The following DLG2 variants were observed in gnomAD, a reference collection of about 807,000 sequenced individuals.
DLG2 encodes the protein disks large homolog 2.
Under a neutral mutation model 132.5 loss-of-function variants are expected in DLG2, and 45 were observed. The ratio of observed to expected loss-of-function variants is 0.34; its 90% CI spans 0.27 to 0.44. The LOEUF (loss-of-function observed/expected upper bound fraction) is 0.44, where lower values mean the gene tolerates loss of function less well. Ranked by LOEUF, DLG2 falls within the 20% of genes least tolerant of loss-of-function variation. The probability of loss-of-function intolerance (pLI) is 1.00; values close to 1 mark genes in which losing one functional copy is unlikely to be tolerated. For missense variants in DLG2, 1,045 were observed against 1,196.9 expected (o/e 0.87, Z 1.87); for synonymous variants, 424 against 419.6 (o/e 1.01, Z -0.13).
intron 2 of DLG2, among the ~76,000 whole-genome samples, chr11:85,599,769 G>T (rs1188312809): frequency 6.6e-6 from 1 of 152,078 alleles, no homozygotes; most frequent in Non-Finnish European, 1.5e-5. Flanking sequence ...AAACCACTTT[G>T]CCTATACGAA....
intron 4 of DLG2, among the ~76,000 whole-genome samples, chr11:85,184,002 G>A (rs562887933): frequency 3.9e-5 from 6 of 152,040 alleles, no homozygotes; most frequent in East Asian, 1.9e-4. Flanking sequence ...TTACATATAT[G>A]AGAACTAAGA....
In DLG2 at chr11:83,950,086, T is replaced by A. The variant is rs533132613; in HGVS notation, c.1340+12799A>T. Among the ~76,000 whole-genome samples the A allele has an allele frequency of 4.1e-4, 62 of 152,278 alleles. 1 individual carries two copies. The South Asian group carries it at 0.013, about 32-fold the overall frequency. ...TGAGTCAGCCTTGGGTTAGTCAACA[T>A]CAGTTACCTCACGTGTAAAAGGGGG... On this transcript the variant is annotated intron_variant, in intron 14 of 27. Coordinates refer to ENST00000376104, the MANE Select transcript of DLG2 (RefSeq NM_001142699.3).
chr11:85,384,369 C>T (rs2086148829), intron 3 of DLG2, among the ~76,000 whole-genome samples: 1 of 151,940 alleles, frequency 6.6e-6, no homozygotes, highest in Non-Finnish European at 1.5e-5. Context: ...TATAGAAATG[C>T]AAGGGATATT....
At chr11:85,258,039 G>T (rs150113041) in intron 4 of DLG2, among the ~76,000 whole-genome samples, 22 of 152,284 alleles carry the variant, frequency 1.4e-4, no homozygotes, top group African/African-American at 4.8e-4. Flanking sequence ...TACTGTGGTT[G>T]TCTTACAGAC....
At chr11:83,598,248 G>T (rs534834012) in intron 19 of DLG2, among the ~76,000 whole-genome samples, 1 of 152,312 alleles carries the variant, frequency 6.6e-6, no homozygotes, top group East Asian at 1.9e-4. Flanking sequence ...TGTTCTGTCT[G>T]TCCTCTTTGG....
chr11:84,708,717 C>A (rs1421863668), intron 6 of DLG2, among the ~76,000 whole-genome samples: 2 of 151,810 alleles, frequency 1.3e-5, no homozygotes, highest in East Asian at 1.9e-4. Flanking sequence ...AAACCCTTTT[C>A]TTTCCTCTGG....
intron 6 of DLG2, among the ~76,000 whole-genome samples, chr11:84,811,608 T>TA (rs2076565633): frequency 6.6e-6 from 1 of 152,126 alleles, no homozygotes. Flanking sequence ...TAGGCTATTT[T>TA]AAAAAAGAGA....
chr11:85,535,827 T>C (rs549044301), intron 3 of DLG2, among the ~76,000 whole-genome samples: 12 of 152,354 alleles, frequency 7.9e-5, no homozygotes, highest in African/African-American at 2.9e-4. Context: ...TAAGTACTGA[T>C]ACATGCTACA....
At chr11:83,652,120 A>C (rs2070718127) in intron 18 of DLG2, 5 of 288,548 alleles carry the variant, frequency 1.7e-5, no homozygotes, top group South Asian at 3.3e-5. Context: ...AGGTTTTGTA[A>C]GTGATGTTAT....
At chr11:84,595,420 A>G (rs931229704) in intron 6 of DLG2, among the ~76,000 whole-genome samples, 5 of 152,100 alleles carry the variant, frequency 3.3e-5, no homozygotes, top group Non-Finnish European at 7.4e-5. Flanking sequence ...GCCTGGCAAT[A>G]GTACCTTAAT....
chr11:84,232,086 T>C (rs1312569187), intron 8 of DLG2, among the ~76,000 whole-genome samples: 10 of 152,012 alleles, frequency 6.6e-5, no homozygotes, highest in South Asian at 2.1e-4. Context: ...AAAAAATATA[T>C]ATAAAAGAAA....
intron 16 of DLG2, among the ~76,000 whole-genome samples, chr11:83,836,688 G>A (rs1213045036): frequency 6.6e-6 from 1 of 152,128 alleles, no homozygotes; most frequent in Non-Finnish European, 1.5e-5. Flanking sequence ...GATATCATGG[G>A]TCCCTCTTAG....
intron 7 of DLG2, among the ~76,000 whole-genome samples, chr11:84,534,275 G>A (rs982552509): frequency 2.6e-5 from 4 of 152,168 alleles, no homozygotes; most frequent in Admixed American, 2.0e-4. Flanking sequence ...ATGTACTTGG[G>A]GTTTAAAAAT....
intron 4 of DLG2, among the ~76,000 whole-genome samples, chr11:85,241,269 A>G (rs559365512): frequency 1.5e-4 from 23 of 151,792 alleles, no homozygotes; most frequent in Admixed American, 3.9e-4. Context: ...AAACTCTATT[A>G]TTTCTATTAA....
chr11:84,780,692 A>G (rs2071594875), intron 6 of DLG2, among the ~76,000 whole-genome samples: 2 of 152,102 alleles, frequency 1.3e-5, no homozygotes, highest in South Asian at 4.1e-4. Flanking sequence ...TATTGTGGTT[A>G]TAATTTTCTC....
At chr11:83,685,934 C>T (rs1347498214) in intron 18 of DLG2, among the ~76,000 whole-genome samples, 12 of 152,032 alleles carry the variant, frequency 7.9e-5, no homozygotes, top group Admixed American at 7.9e-4. Context: ...TCTTGACTCT[C>T]CTTTTTATCT....
At chr11:85,432,100 AAAAC>A (rs2091223872) in intron 3 of DLG2, among the ~76,000 whole-genome samples, 2 of 152,342 alleles carry the variant, frequency 1.3e-5, no homozygotes, top group South Asian at 4.1e-4. Context: ...TGTTGAAAGA[AAAAC>A]AAACAAACAG....
intron 3 of DLG2, among the ~76,000 whole-genome samples, chr11:85,486,010 A>G (rs960331901): frequency 3.3e-5 from 5 of 152,180 alleles, no homozygotes; most frequent in African/African-American, 1.2e-4. Flanking sequence ...TGTGAAACCA[A>G]AGAATGAGTA....
At chr11:83,664,044 T>C (rs2074979347) in intron 18 of DLG2, among the ~76,000 whole-genome samples, 1 of 152,222 alleles carries the variant, frequency 6.6e-6, no homozygotes, top group South Asian at 2.1e-4. Context: ...TTCATTTATA[T>C]AATGGTAGAG....
Sources: allele counts gnomAD v4.1 joint callset (sites outside exome capture counted in the v4.1 genomes callset), GRCh38; gene constraint gnomAD v4.1.1; transcripts MANE v1.5; gene names NCBI Gene and HGNC (gene_info 2026-07-23, HGNC 2026-07-21).